TNRC6B: variants seen among roughly 807,000 people sequenced by gnomAD.
The protein encoded by TNRC6B is trinucleotide repeat containing adaptor 6B.
In TNRC6B, 52 loss-of-function variants were observed where a neutral mutation model predicts 203.6. The ratio of observed to expected loss-of-function variants is 0.26; its 90% CI spans 0.20 to 0.32. The LOEUF (loss-of-function observed/expected upper bound fraction) is 0.32, where lower values mean the gene tolerates loss of function less well. Among genes scored for constraint, TNRC6B ranks in the 10% least tolerant of loss-of-function variants. TNRC6B has a pLI of 1.00. For missense variants in TNRC6B, 1,923 were observed against 2,286.2 expected (o/e 0.84, Z 3.24); for synonymous variants, 838 against 845.7 (o/e 0.99, Z 0.16).
In TNRC6B at chr22:40,183,649, G is replaced by A. The variant is rs192724740; in HGVS notation, c.5+5509G>A. 7.2e-5 allele frequency among the ~76,000 whole-genome samples: 11 copies of A among 151,886 alleles called. No homozygotes were observed. In the East Asian group the frequency reaches 2.1e-3, roughly 29 times the overall value. ...TTCTCCCTCATTGTGATTATTCTGG[G>A]CCCACACATGTAAATTCTGTTTATT... On this transcript the variant is annotated intron_variant, in intron 1 of 22. Coordinates refer to ENST00000454349, the MANE Select transcript of TNRC6B (RefSeq NM_001162501.2).
intron 3 of TNRC6B, among the ~76,000 whole-genome samples, chr22:40,140,508 G>A (rs548929375): frequency 1.3e-5 from 2 of 152,284 alleles, no homozygotes; most frequent in South Asian, 4.1e-4. Flanking sequence ...CAAAATAGAA[G>A]TCTCAAGTCC....
intron 9 of TNRC6B, among the ~76,000 whole-genome samples, chr22:40,279,093 CCAAA>C (rs2070691187): frequency 6.6e-6 from 1 of 152,130 alleles, no homozygotes; most frequent in African/African-American, 2.4e-5. Context: ...CTCTATGGGG[CCAAA>C]CAAATTGTGT....
At chr22:40,270,341 G>C in intron 6 of TNRC6B, 61 bp downstream of exon 6, 2 of 1,321,868 alleles carry the variant, frequency 1.5e-6, no homozygotes, top group Non-Finnish European at 1.9e-6. Flanking sequence ...TAATTGAGAC[G>C]GAGTTTCACT....
chr22:40,154,278 A>G (rs1392272385), intron 3 of TNRC6B, among the ~76,000 whole-genome samples: 1 of 151,964 alleles, frequency 6.6e-6, no homozygotes, highest in African/African-American at 2.4e-5. Context: ...CCTGGCCAAC[A>G]TGGTGAAACC....
intron 3 of TNRC6B, among the ~76,000 whole-genome samples, chr22:40,132,969 A>AATATATATATATATATATATATATATAT (rs1166468730): frequency 1.8e-4 from 14 of 78,112 alleles, no homozygotes; most frequent in South Asian, 6.2e-4. Flanking sequence ...AAAAAAAAAA[A>AATATATATATATATATATATATATATAT]ATATATATAT....
intron 1 of TNRC6B, among the ~76,000 whole-genome samples, chr22:40,237,040 C>T (rs1216845137): frequency 1.3e-5 from 2 of 152,150 alleles, no homozygotes; most frequent in African/African-American, 2.4e-5. Flanking sequence ...TGGTGCATGC[C>T]TGTAATCCCA....
intron 1 of TNRC6B, among the ~76,000 whole-genome samples, chr22:40,081,216 C>G (rs909953021): frequency 6.6e-6 from 1 of 151,968 alleles, no homozygotes; most frequent in African/African-American, 2.4e-5. Context: ...AAGCCCTAGC[C>G]CAGTGTTATT....
chr22:40,228,669 G>C (rs1329466056), intron 1 of TNRC6B, among the ~76,000 whole-genome samples: 4 of 150,748 alleles, frequency 2.7e-5, no homozygotes. Flanking sequence ...ACAGGAGCCC[G>C]CCACCATGCC....
intron 4 of TNRC6B, among the ~76,000 whole-genome samples, chr22:40,159,205 T>C (rs1050681082): frequency 3.3e-5 from 5 of 151,332 alleles, no homozygotes; most frequent in African/African-American, 1.2e-4. Flanking sequence ...CCTTGTGATC[T>C]GCCCGCCTCG....
Position 40,261,817 on chromosome 22 carries a change from AC to A in TNRC6B, c.116-11del. On this transcript the variant is annotated splice_polypyrimidine_tract_variant and intron_variant, in intron 3 of 22. Transcript: ENST00000454349. ...GATGTATTTCAAAGACTGTTTCCCA[AC>A]CCCTCTCTTTTAGTGCCCGAAGTGA... The A allele has an allele frequency of 6.6e-7, 1 of 1,523,242 alleles. No individual in the cohort carries two copies. Among genetic ancestry groups the A allele is most frequent in the South Asian group, 1.2e-5 (1 of 81,188 alleles). The allele number at this position is 1,523,242 out of a possible 1,614,324, so 94.4% of individuals were successfully genotyped here. A position where few individuals can be genotyped will look rare whatever the true frequency, so the allele number is the denominator to read the frequency against.
rs1041476681 is a variant in TNRC6B at position 40,313,088 on chromosome 22, A to G, written c.4678+91A>G. ...GAAACTGGCATGTATTTCATAAGAT[A>G]TACTCTTACAGAAGTTCAGTAGCAT... On this transcript the variant is annotated intron_variant, in intron 19 of 22. Coordinates refer to ENST00000454349, the MANE Select transcript of TNRC6B (RefSeq NM_001162501.2). 4 of 1,008,094 alleles carry G rather than the reference A, an allele frequency of 4.0e-6. No individual in the cohort carries two copies. The East Asian group carries it at 7.7e-5, about 19-fold the overall frequency. The allele number at this position is 1,008,094 out of a possible 1,614,324, so 62.4% of individuals were successfully genotyped here. A position where few individuals can be genotyped will look rare whatever the true frequency, so the allele number is the denominator to read the frequency against.
chr22:40,106,727 C>T (rs943496170), intron 1 of TNRC6B: 19 of 763,580 alleles, frequency 2.5e-5, no homozygotes, highest in Middle Eastern at 4.7e-4. Flanking sequence ...TTCAGGAAGG[C>T]GAAGAAGCTG....
At chr22:40,196,254 G>A (rs146153074) in intron 1 of TNRC6B, among the ~76,000 whole-genome samples, 29 of 152,128 alleles carry the variant, frequency 1.9e-4, no homozygotes, top group African/African-American at 6.7e-4. Context: ...GGCTCAAGCA[G>A]TCCTTCCATC....
Position 40,331,556 on chromosome 22 carries a change from C to A in TNRC6B, c.*8315C>A. The A allele has an allele frequency of 2.7e-6, 1 of 372,690 alleles. No homozygotes were observed. The highest frequency in any genetic ancestry group is 4.8e-6 in the Non-Finnish European group (1 of 208,618). The allele number at this position is 372,690 out of a possible 1,614,324, so 23.1% of individuals were successfully genotyped here. A position where few individuals can be genotyped will look rare whatever the true frequency, so the allele number is the denominator to read the frequency against. ...ACAGGGAGGAGAGATGCTGCTTCTG[C>A]GCTTTGCTCTCATTCCTCTCTCATG... On this transcript the variant is annotated 3_prime_UTR_variant, in exon 23 of 23. Coordinates refer to ENST00000454349, the MANE Select transcript of TNRC6B (RefSeq NM_001162501.2).
At chr22:40,276,350 T>A (rs1319473871) in intron 7 of TNRC6B, among the ~76,000 whole-genome samples, 1 of 149,992 alleles carries the variant, frequency 6.7e-6, no homozygotes, top group Non-Finnish European at 1.5e-5. Flanking sequence ...AAAAAAAAGA[T>A]AGCTATCATC....
chr22:40,084,957 G>T (rs2068089619), intron 1 of TNRC6B, among the ~76,000 whole-genome samples: 1 of 152,296 alleles, frequency 6.6e-6, no homozygotes, highest in East Asian at 1.9e-4. Context: ...GCTGAACAGG[G>T]CTAACCTGTG....
At chr22:40,290,705 C>T (rs2070858980) in intron 12 of TNRC6B, among the ~76,000 whole-genome samples, 1 of 152,138 alleles carries the variant, frequency 6.6e-6, no homozygotes, top group African/African-American at 2.4e-5. Flanking sequence ...TTTTCTCCCT[C>T]TCTGCCCCGC....
intron 1 of TNRC6B, among the ~76,000 whole-genome samples, chr22:40,198,112 G>A (rs1056660204): frequency 6.6e-6 from 1 of 152,054 alleles, no homozygotes; most frequent in African/African-American, 2.4e-5. Context: ...GAAGAAAATA[G>A]AAGTCATTTG....
chr22:40,135,498 C>CA lies in TNRC6B; in HGVS notation c.45+9639dup, dbSNP rs201573407. On this transcript the variant is annotated intron_variant, in intron 3 of 23. Transcript: ENST00000301923. ...CAACCTTATTGACACCTTGAAGTAG[C>CA]AAATTTTTTTTTGTTTAATAGAAAC... Among the ~76,000 whole-genome samples, 343 of 152,132 alleles carry CA rather than the reference C, an allele frequency of 2.3e-3. 1 individual carries two copies. The highest frequency in any genetic ancestry group is 8.1e-3 in the African/African-American group (335 of 41,500).
Sources: allele counts gnomAD v4.1 joint callset (sites outside exome capture counted in the v4.1 genomes callset), GRCh38; gene constraint gnomAD v4.1.1; transcripts MANE v1.5; gene names NCBI Gene and HGNC (gene_info 2026-07-23, HGNC 2026-07-21).